EXOC4: variants seen among roughly 807,000 people sequenced by gnomAD.
EXOC4 encodes the protein SEC8-like 1.
In EXOC4, 71 loss-of-function variants were observed where a neutral mutation model predicts 107.2. That is an observed-to-expected ratio of 0.66 (90% CI 0.55 to 0.81). The LOEUF (loss-of-function observed/expected upper bound fraction) is 0.81, where lower values mean the gene tolerates loss of function less well. Ranked by LOEUF, EXOC4 falls within the 30% of genes least tolerant of loss-of-function variation. The probability of loss-of-function intolerance (pLI) is 0.00; values close to 1 mark genes in which losing one functional copy is unlikely to be tolerated. For synonymous variants in EXOC4, 456 were observed against 441.2 expected (o/e 1.03, Z -0.42); for missense variants, 1,108 against 1,189.6 (o/e 0.93, Z 1.01).
At chr7:133,601,702 C>G (rs1801810607) in intron 9 of EXOC4, 1 of 152,274 alleles carries the variant, frequency 6.6e-6, no homozygotes. Flanking sequence ...TCCATCATGA[C>G]AGAGAACAGC....
At chr7:133,615,281 C>G (rs370850182) in intron 9 of EXOC4, among the ~76,000 whole-genome samples, 1 of 152,152 alleles carries the variant, frequency 6.6e-6, no homozygotes, top group South Asian at 2.1e-4. Context: ...CCTCCTCCCC[C>G]CTCATCTACT....
chr7:133,317,191 G>C, intron 4 of EXOC4, 93 bp from the exon 5 acceptor site: 1 of 812,246 alleles, frequency 1.2e-6, no homozygotes. Flanking sequence ...GAGGGCTCAT[G>C]ACAAAAACAA....
intron 13 of EXOC4, among the ~76,000 whole-genome samples, chr7:133,931,326 C>A (rs1289159957): frequency 1.3e-5 from 2 of 152,028 alleles, no homozygotes; most frequent in Non-Finnish European, 2.9e-5. Context: ...GAATGTATGT[C>A]TGTATTCATG....
intron 9 of EXOC4, among the ~76,000 whole-genome samples, chr7:133,495,570 T>C (rs1799458239): frequency 6.6e-6 from 1 of 152,216 alleles, no homozygotes; most frequent in Non-Finnish European, 1.5e-5. Context: ...TTTTACCTAT[T>C]CTTTAAATAA....
intron 17 of EXOC4, among the ~76,000 whole-genome samples, chr7:134,054,596 G>C (rs1585357101): frequency 6.6e-6 from 1 of 152,162 alleles, no homozygotes; most frequent in African/African-American, 2.4e-5. Flanking sequence ...TCTAAAGCCA[G>C]CATCCTTAGA....
chr7:133,991,288 G>T (rs749639079), intron 14 of EXOC4, among the ~76,000 whole-genome samples: 2 of 151,218 alleles, frequency 1.3e-5, no homozygotes, highest in Non-Finnish European at 3.0e-5. Context: ...TTTTGTTTTC[G>T]TTTTTTGTTT....
At chr7:133,643,747 G>A (rs557669700) in intron 10 of EXOC4, among the ~76,000 whole-genome samples, 27 of 152,134 alleles carry the variant, frequency 1.8e-4, no homozygotes, top group African/African-American at 5.3e-4. Flanking sequence ...GAAGGAAAAA[G>A]GAAATAAAAT....
At chr7:133,503,694 A>T (rs1378713351) in intron 9 of EXOC4, among the ~76,000 whole-genome samples, 2 of 152,196 alleles carry the variant, frequency 1.3e-5, no homozygotes, top group Non-Finnish European at 2.9e-5. Flanking sequence ...ATTTGCGGAA[A>T]TAATTTATAG....
Position 133,868,323 on chromosome 7 carries a change from A to G in EXOC4, c.1735-27276A>G, listed in dbSNP as rs144561015. Among the ~76,000 whole-genome samples the G allele has an allele frequency of 5.3e-4, 81 of 152,310 alleles. 1 individual carries two copies. Among genetic ancestry groups the G allele is most frequent in the African/African-American group, 1.5e-3 (64 of 41,566 alleles). ...CTGGAGATTGAAGGTCTGGCTGTCA[A>G]TATGCAGGAAACCAAATGAGAAGAG... On this transcript the variant is annotated intron_variant, in intron 11 of 17. Coordinates refer to ENST00000253861, the MANE Select transcript of EXOC4 (RefSeq NM_021807.4).
intron 12 of EXOC4, among the ~76,000 whole-genome samples, chr7:133,903,023 G>C (rs1799489365): frequency 6.6e-6 from 1 of 152,196 alleles, no homozygotes; most frequent in Non-Finnish European, 1.5e-5. Flanking sequence ...AGGCTCCAAG[G>C]AGTTGAAAGA....
intron 10 of EXOC4, among the ~76,000 whole-genome samples, chr7:133,803,203 G>C (rs1486319165): frequency 6.6e-6 from 1 of 152,118 alleles, no homozygotes; most frequent in African/African-American, 2.4e-5. Context: ...TTTTATCTGA[G>C]CCAGAGTAGT....
chr7:133,913,875 G>A (rs560509339), intron 12 of EXOC4, among the ~76,000 whole-genome samples: 9 of 152,328 alleles, frequency 5.9e-5, no homozygotes, highest in South Asian at 2.1e-4. Flanking sequence ...GTGGAACACA[G>A]CATTTAAAGT....
chr7:133,500,061 G>T (rs1336901132), intron 9 of EXOC4, among the ~76,000 whole-genome samples: 1 of 151,854 alleles, frequency 6.6e-6, no homozygotes, highest in Non-Finnish European at 1.5e-5. Flanking sequence ...ACCAATAAAG[G>T]ACAAAGATGT....
the EXOC4 span, among the ~76,000 whole-genome samples, chr7:134,088,644 A>G: frequency 0.034 from 5,164 of 152,232 alleles, 272 homozygotes; most frequent in African/African-American, 0.11. Context: ...ACAATTTCCA[A>G]AGTTATCAGA....
At chr7:134,078,762 G>C in the EXOC4 span, among the ~76,000 whole-genome samples, 1 of 152,156 alleles carries the variant, frequency 6.6e-6, no homozygotes, top group African/African-American at 2.4e-5. Flanking sequence ...TAAAGCACAA[G>C]GTACTAGGCC....
chr7:133,330,383 G>A (rs972117903), intron 5 of EXOC4, among the ~76,000 whole-genome samples: 27 of 151,994 alleles, frequency 1.8e-4, no homozygotes, highest in African/African-American at 6.5e-4. Flanking sequence ...GGGACCCACT[G>A]AGCCAGAACT....
intron 9 of EXOC4, among the ~76,000 whole-genome samples, chr7:133,597,028 A>G (rs912855195): frequency 4.6e-5 from 7 of 152,182 alleles, no homozygotes; most frequent in South Asian, 2.1e-4. Context: ...TGTCGTCTTC[A>G]GTATATGTGG....
intron 10 of EXOC4, among the ~76,000 whole-genome samples, chr7:133,663,741 T>A (rs971482421): frequency 4.6e-5 from 7 of 152,126 alleles, no homozygotes; most frequent in African/African-American, 1.7e-4. Flanking sequence ...ACTGCCCTGG[T>A]CTAAGCTGTC....
At chr7:133,908,383 A>T (rs1382178704) in intron 12 of EXOC4, among the ~76,000 whole-genome samples, 3 of 152,268 alleles carry the variant, frequency 2.0e-5, no homozygotes, top group Non-Finnish European at 2.9e-5. Flanking sequence ...GGTAGTGCAC[A>T]TGTGAAAAGC....
Sources: allele counts gnomAD v4.1 joint callset (sites outside exome capture counted in the v4.1 genomes callset), GRCh38; gene constraint gnomAD v4.1.1; transcripts MANE v1.5; gene names NCBI Gene and HGNC (gene_info 2026-07-23, HGNC 2026-07-21).